Variants in PGPEP1L observed in about 807,000 individuals in gnomAD.
The protein encoded by PGPEP1L is pyroglutamyl-peptidase 1-like protein.
PGPEP1L carries 7 observed loss-of-function variants against 6.0 expected under a neutral mutation model. That is an observed-to-expected ratio of 1.17 (90% confidence interval 0.66 to 2.19). The LOEUF (loss-of-function observed/expected upper bound fraction) is 2.19. PGPEP1L is among the 30% of genes most tolerant of loss of function. The pLI is 0.00. For synonymous variants in PGPEP1L, 103 were observed against 83.9 expected (o/e 1.23, Z -1.24); for missense variants, 209 against 192.5 (o/e 1.09, Z -0.51).
chr15:98,970,200 C>T (rs1010338522), intron 3 of PGPEP1L, among the ~76,000 whole-genome samples: 4 of 151,572 alleles, frequency 2.6e-5, no homozygotes, highest in Non-Finnish European at 4.4e-5. Context: ...AGGTGCACCA[C>T]GCCCAGCTAA....
At chr15:99,007,162 C>T (rs1249636318) in intron 1 of PGPEP1L, among the ~76,000 whole-genome samples, 197 bp downstream of exon 1, 1 of 152,208 alleles carries the variant, frequency 6.6e-6, no homozygotes, top group Non-Finnish European at 1.5e-5. Context: ...AGGTGGGAAG[C>T]GCCATTTGCT....
In PGPEP1L at chr15:98,986,599, T is replaced by C. The variant is rs1294908921; in HGVS notation, c.-141-15441A>G. ...TCTGTAAGTAGTTCTGATGAATCAT[T>C]GAACCTGGGGTTGTAAGAACTCCTA... On this transcript the variant is annotated intron_variant, in intron 2 of 4. Transcript: ENST00000535714. Among the ~76,000 whole-genome samples, 2 of 152,058 alleles carry C rather than the reference T, an allele frequency of 1.3e-5. 1 individual carries two copies. The highest frequency in any genetic ancestry group is 2.9e-5 in the Non-Finnish European group (2 of 68,046).
chr15:98,993,398 T>C (rs2017844166), intron 2 of PGPEP1L, among the ~76,000 whole-genome samples: 1 of 152,204 alleles, frequency 6.6e-6, no homozygotes, highest in African/African-American at 2.4e-5. Flanking sequence ...CACAATGAGA[T>C]ATCATCTCAT....
At chr15:98,981,505 A>C (rs896529075) in intron 2 of PGPEP1L, among the ~76,000 whole-genome samples, 5 of 140,324 alleles carry the variant, frequency 3.6e-5, no homozygotes, top group African/African-American at 5.7e-5. Flanking sequence ...AAAAAAAAAA[A>C]ACAAAAACAA....
In PGPEP1L at chr15:99,002,322, G is replaced by A. The variant is rs1050628801; in HGVS notation, c.-142+3107C>T. Among the ~76,000 whole-genome samples, 3 of 152,274 alleles carry A rather than the reference G, an allele frequency of 2.0e-5. No homozygotes were observed. In the South Asian group the frequency reaches 6.2e-4, roughly 32 times the overall value. On this transcript the variant is annotated intron_variant, in intron 2 of 4. Coordinates refer to ENST00000535714, the MANE Select transcript of PGPEP1L (RefSeq NM_001167902.2). ...ACATAAAATATTTGTAAAATAAAAT[G>A]ATTATACAGATGGAGAACAGACTAA...
At position 99,007,466 on chromosome 15, in the gene PGPEP1L, T is replaced by C. The variant is rs1427882303; in HGVS notation, c.-477A>G. On this transcript the variant is annotated 5_prime_UTR_variant, in exon 1 of 5. Coordinates refer to ENST00000535714, the MANE Select transcript of PGPEP1L (RefSeq NM_001167902.2). ...AGTGTTACAGTTTTTAAAGGCAGCG[T>C]GTCCCAAGTTTGTTTCTTCTGATGC... 1 of 152,298 alleles carries C rather than the reference T, an allele frequency of 6.6e-6. No individual in the cohort carries two copies. Among genetic ancestry groups the C allele is most frequent in the Non-Finnish European group, 1.5e-5 (1 of 68,108 alleles). 9.4% of individuals were successfully genotyped at this position (152,298 alleles called of 1,614,324 possible). A position where few individuals can be genotyped will look rare whatever the true frequency, so the allele number is the denominator to read the frequency against.
chr15:98,970,827 T>G (rs2017482743), intron 3 of PGPEP1L, among the ~76,000 whole-genome samples: 1 of 152,162 alleles, frequency 6.6e-6, no homozygotes, highest in East Asian at 1.9e-4. Flanking sequence ...TCTCTCCAGA[T>G]TTTCTATTAA....
intron 1 of PGPEP1L, among the ~76,000 whole-genome samples, chr15:99,006,169 TGA>T (rs2018056817): frequency 6.6e-6 from 1 of 152,226 alleles, no homozygotes; most frequent in Admixed American, 6.5e-5. Flanking sequence ...TTTCCTGTTT[TGA>T]GAAACGAGGA....
At chr15:98,989,737 T>C (rs2017794189) in intron 2 of PGPEP1L, among the ~76,000 whole-genome samples, 1 of 152,102 alleles carries the variant, frequency 6.6e-6, no homozygotes, top group African/African-American at 2.4e-5. Context: ...GAGAGAAAGG[T>C]CGGGTTACCC....
At chr15:98,982,720 T>G (rs1596517977) in intron 2 of PGPEP1L, among the ~76,000 whole-genome samples, 1 of 130,812 alleles carries the variant, frequency 7.6e-6, no homozygotes, top group African/African-American at 3.1e-5. Context: ...TTTTTTTTTT[T>G]TTTTTTTTGA....
Position 98,968,613 on chromosome 15 carries a change from G to A in PGPEP1L, c.294C>T (p.Arg98=), listed in dbSNP as rs758392783. The change falls in exon 5 of 5, where the codon CGC becomes CGT. Residue 98 remains arginine (R), a synonymous_variant. Coordinates refer to ENST00000535714, the MANE Select transcript of PGPEP1L (RefSeq NM_001167902.2). ...AALIHVPPLS[R]GLPASLLGRA... is the part of the protein sequence containing the mutation. ...TTCCCAGCAGGCTGGCCGGGAGCCCGCGCGATAGTGGAGGGACATGGATGA... is the reference window on the plus strand; with the variant it reads ...TTCCCAGCAGGCTGGCCGGGAGCCCACGCGATAGTGGAGGGACATGGATGA... 1.7e-5 allele frequency: 28 copies of A among 1,605,570 alleles called. No individual in the cohort carries two copies. The highest frequency in any genetic ancestry group is 5.1e-5 in the Admixed American group (3 of 58,650).
At chr15:98,974,153 G>C (rs2017536151) in intron 2 of PGPEP1L, among the ~76,000 whole-genome samples, 1 of 152,090 alleles carries the variant, frequency 6.6e-6, no homozygotes, top group South Asian at 2.1e-4. Flanking sequence ...GGCCAAGGTG[G>C]GCAGATCACT....
At chr15:99,003,070 AG>A (rs1471445701) in intron 2 of PGPEP1L, among the ~76,000 whole-genome samples, 2 of 152,274 alleles carry the variant, frequency 1.3e-5, no homozygotes, top group Admixed American at 6.5e-5. Context: ...GGAATGAAAC[AG>A]TTTTGGACAG....
At chr15:98,980,939 G>GAAAA (rs34836014) in intron 2 of PGPEP1L, among the ~76,000 whole-genome samples, 1 of 145,870 alleles carries the variant, frequency 6.9e-6, no homozygotes. Context: ...TCTGGAAAAG[G>GAAAA]AAAAAAAAAA....
chr15:99,001,162 C>T (rs554898020), intron 2 of PGPEP1L: 55 of 445,914 alleles, frequency 1.2e-4, no homozygotes, highest in African/African-American at 5.3e-4. Flanking sequence ...CTGGACACGC[C>T]GCCTTTAAGA....
At chr15:98,980,764 G>C (rs1000050212) in intron 2 of PGPEP1L, among the ~76,000 whole-genome samples, 1 of 151,592 alleles carries the variant, frequency 6.6e-6, no homozygotes, top group South Asian at 2.1e-4. Flanking sequence ...AAACCCCGTC[G>C]CTACTAAAAA....
Position 99,005,451 on chromosome 15 carries a change from C to T in PGPEP1L, c.-164G>A, listed in dbSNP as rs1452677743. The T allele has an allele frequency of 6.6e-6, 1 of 152,566 alleles. No homozygotes were observed. The highest frequency in any genetic ancestry group is 1.5e-5 in the Non-Finnish European group (1 of 68,086). 9.5% of individuals were successfully genotyped at this position (152,566 alleles called of 1,614,324 possible). A position where few individuals can be genotyped will look rare whatever the true frequency, so the allele number is the denominator to read the frequency against. ...TACCAGTCACCACCACGCAGCTGGGCTGGGAATCCATGAAGACGAAGTGGG... is the reference window on the plus strand; with the variant it reads ...TACCAGTCACCACCACGCAGCTGGGTTGGGAATCCATGAAGACGAAGTGGG... On this transcript the variant is annotated 5_prime_UTR_variant, in exon 2 of 5. Transcript: ENST00000535714.
intron 2 of PGPEP1L, among the ~76,000 whole-genome samples, chr15:99,003,330 T>A (rs1175792966): frequency 6.6e-6 from 1 of 151,480 alleles, no homozygotes; most frequent in Non-Finnish European, 1.5e-5. Context: ...AAATATGACA[T>A]CTCTTATCTG....
At chr15:98,996,490 GT>G (rs1555472494) in intron 2 of PGPEP1L, among the ~76,000 whole-genome samples, 1 of 149,252 alleles carries the variant, frequency 6.7e-6, no homozygotes, top group East Asian at 2.0e-4. Flanking sequence ...ATGGGTGTAT[GT>G]CTAGATGTAT....
Sources: gnomAD v4.1 joint callset for allele counts (sites outside exome capture counted in the v4.1 genomes callset) on GRCh38, gnomAD v4.1.1 for gene constraint, MANE v1.5 for transcripts, NCBI Gene and HGNC (gene_info 2026-07-23, HGNC 2026-07-21) for gene names.